TMPRSS4: variants seen among roughly 807,000 people sequenced by gnomAD.
The protein encoded by TMPRSS4 is transmembrane protease serine 4.
A neutral mutation model predicts 56.4 loss-of-function variants in TMPRSS4; 45 were observed. The ratio of observed to expected loss-of-function variants is 0.80; its 90% CI spans 0.63 to 1.02. The LOEUF is 1.02. Among genes scored for constraint, TMPRSS4 ranks in the 50% least tolerant of loss-of-function variants. The pLI, the probability that TMPRSS4 is intolerant of heterozygous loss-of-function variation, is 0.00. For synonymous variants in TMPRSS4, 205 were observed against 211.0 expected, an observed-to-expected ratio of 0.97 and a Z score of 0.25; for missense variants, 546 against 556.7, an observed-to-expected ratio of 0.98 and a Z score of 0.19.
chr11:118,081,160 CT>C (rs1199728216), intron 1 of TMPRSS4, among the ~76,000 whole-genome samples: 2 of 152,164 alleles, frequency 1.3e-5, no homozygotes, highest in African/African-American at 4.8e-5. Context: ...ACAGAATCCC[CT>C]ATAACCAATT....
chr11:118,115,538 G>A (rs1947502644), intron 11 of TMPRSS4: 2 of 434,878 alleles, frequency 4.6e-6, no homozygotes, highest in Non-Finnish European at 8.4e-6. Flanking sequence ...TGATGTTACT[G>A]GCCTGGCATG....
Position 118,099,110 on chromosome 11 carries a change from C to A in TMPRSS4, c.157+12C>A, listed in dbSNP as rs1305569798. The A allele has an allele frequency of 1.2e-6, 2 of 1,606,716 alleles. No individual in the cohort carries two copies. The highest frequency in any genetic ancestry group is 1.7e-6 in the Non-Finnish European group (2 of 1,173,636). On this transcript the variant is annotated intron_variant, in intron 3 of 12. Transcript: ENST00000437212. ...TGTGGTTGTCCTCAGTAAGTGACAGCCCGTACCCGACTTTCACCCTCTAAG... is the reference window on the plus strand; with the variant it reads ...TGTGGTTGTCCTCAGTAAGTGACAGACCGTACCCGACTTTCACCCTCTAAG...
At chr11:118,114,087 C>T (rs1317473978) in intron 9 of TMPRSS4, among the ~76,000 whole-genome samples, 4 of 152,144 alleles carry the variant, frequency 2.6e-5, no homozygotes, top group Admixed American at 6.6e-5. Flanking sequence ...TGTTTTATTG[C>T]GTTTAACCTA....
At position 118,119,968 on chromosome 11, in the gene TMPRSS4, G is replaced by T. The variant is rs1947738065; in HGVS notation, c.*2055G>T. The T allele has an allele frequency of 1.3e-5, 2 of 152,096 alleles. No homozygotes were observed. Among genetic ancestry groups the T allele is most frequent in the Non-Finnish European group, 2.9e-5 (2 of 68,026 alleles). The allele number at this position is 152,096 out of a possible 1,614,324, so 9.4% of individuals were successfully genotyped here. A position where few individuals can be genotyped will look rare whatever the true frequency, so the allele number is the denominator to read the frequency against. On this transcript the variant is annotated 3_prime_UTR_variant, in exon 13 of 13. Coordinates refer to ENST00000437212, the MANE Select transcript of TMPRSS4 (RefSeq NM_019894.4). ...CAGTCATCACCACCATCCATCTCCAGAACAGAAACTCAGTACCCATCAAAC... is the reference window on the plus strand; with the variant it reads ...CAGTCATCACCACCATCCATCTCCATAACAGAAACTCAGTACCCATCAAAC...
chr11:118,078,993 T>G (rs564260654), intron 1 of TMPRSS4, among the ~76,000 whole-genome samples: 4 of 152,106 alleles, frequency 2.6e-5, no homozygotes, highest in African/African-American at 7.2e-5. Flanking sequence ...AAATGACAGC[T>G]GGGTAGTACA....
intron 11 of TMPRSS4, chr11:118,115,507 T>A (rs866915160): frequency 5.4e-5 from 29 of 537,632 alleles, no homozygotes; most frequent in Middle Eastern, 5.0e-4. Flanking sequence ...AGATTTCAAA[T>A]GTCTCTTTCA....
chr11:118,088,975 G>C (rs972680102), intron 1 of TMPRSS4, among the ~76,000 whole-genome samples: 1 of 152,108 alleles, frequency 6.6e-6, no homozygotes, highest in Non-Finnish European at 1.5e-5. Context: ...ATGGGGTCTG[G>C]CTGGATCTCT....
chr11:118,097,796 G>T (rs1231621126), intron 2 of TMPRSS4, among the ~76,000 whole-genome samples: 1 of 152,102 alleles, frequency 6.6e-6, no homozygotes, highest in Non-Finnish European at 1.5e-5. Context: ...TTGAGGTGGA[G>T]TCTTGCTCTT....
chr11:118,117,224 G>A, intron 11 of TMPRSS4, 81 bp from the exon 12 acceptor site: 1 of 1,416,130 alleles, frequency 7.1e-7, no homozygotes, highest in Admixed American at 1.7e-5. Context: ...GGAACAGATA[G>A]GCCAGTTCAG....
chr11:118,098,282 C>T (rs879400051), intron 2 of TMPRSS4, among the ~76,000 whole-genome samples: 1 of 151,576 alleles, frequency 6.6e-6, no homozygotes, highest in South Asian at 2.1e-4. Flanking sequence ...TCCGTGCCTC[C>T]GACAGAGCTG....
intron 1 of TMPRSS4, among the ~76,000 whole-genome samples, chr11:118,085,997 C>T (rs879769652): frequency 3.9e-5 from 6 of 152,240 alleles, no homozygotes; most frequent in Admixed American, 3.9e-4. Flanking sequence ...CTAAGCACTG[C>T]AGTAAACAGC....
intron 2 of TMPRSS4, 91 bp from the exon 3 acceptor site, chr11:118,098,894 C>A (rs1378822838): frequency 3.0e-6 from 3 of 1,006,122 alleles, no homozygotes; most frequent in Non-Finnish European, 4.6e-6. Flanking sequence ...TACCTGTCAC[C>A]GGCCAGAAGG....
chr11:118,116,731 T>TTG (rs1555091879), intron 11 of TMPRSS4, among the ~76,000 whole-genome samples: 13 of 150,576 alleles, frequency 8.6e-5, no homozygotes, highest in African/African-American at 3.0e-4. Context: ...TTTTTTTTTT[T>TTG]GAGACTGAGT....
intron 1 of TMPRSS4, among the ~76,000 whole-genome samples, chr11:118,093,000 TC>T (rs1167773743): frequency 6.6e-6 from 1 of 152,152 alleles, no homozygotes; most frequent in Admixed American, 6.5e-5. Flanking sequence ...AGGTGAAGGA[TC>T]TTTCCTGAAA....
downstream of TMPRSS4, among the ~76,000 whole-genome samples, chr11:118,124,050 C>T (rs891338184): frequency 6.6e-6 from 1 of 152,066 alleles, no homozygotes; most frequent in African/African-American, 2.4e-5. Flanking sequence ...GAGATGCATA[C>T]AGAAGTATTT....
chr11:118,092,250 T>A (rs1168684210), intron 1 of TMPRSS4, among the ~76,000 whole-genome samples: 1 of 151,996 alleles, frequency 6.6e-6, no homozygotes, highest in Non-Finnish European at 1.5e-5. Context: ...ACAGGGGAAT[T>A]GAAATAGAGA....
intron 11 of TMPRSS4, among the ~76,000 whole-genome samples, chr11:118,116,005 T>C (rs1228821980): frequency 1.4e-5 from 2 of 146,914 alleles, no homozygotes; most frequent in Non-Finnish European, 3.0e-5. Context: ...AGCACATCTG[T>C]GTGTGCCCTC....
At chr11:118,092,688 A>C (rs1170104817) in intron 1 of TMPRSS4, among the ~76,000 whole-genome samples, 2 of 152,218 alleles carry the variant, frequency 1.3e-5, no homozygotes, top group Non-Finnish European at 2.9e-5. Flanking sequence ...TCTGGGAAAG[A>C]GCTGTTACCA....
chr11:118,078,719 G>A (rs1944887508), intron 1 of TMPRSS4, among the ~76,000 whole-genome samples: 1 of 152,160 alleles, frequency 6.6e-6, no homozygotes, highest in Admixed American at 6.5e-5. Flanking sequence ...CAACAGAGAA[G>A]GGAATCATTT....
Sources: allele counts gnomAD v4.1 joint callset (sites outside exome capture counted in the v4.1 genomes callset), GRCh38; gene constraint gnomAD v4.1.1; transcripts MANE v1.5; gene names NCBI Gene and HGNC (gene_info 2026-07-23, HGNC 2026-07-21).